CBX5: variants seen among roughly 807,000 people sequenced by gnomAD.
CBX5 encodes the protein chromobox protein homolog 5.
CBX5 carries 7 observed loss-of-function variants against 20.7 expected under a neutral mutation model. That is an observed-to-expected ratio of 0.34 (90% CI 0.19 to 0.63). The LOEUF is 0.63. Among genes scored for constraint, CBX5 ranks in the 30% least tolerant of loss-of-function variants. The probability of loss-of-function intolerance (pLI) is 0.75; values close to 1 mark genes in which losing one functional copy is unlikely to be tolerated. For missense variants in CBX5, 110 were observed against 224.1 expected (o/e 0.49, Z 3.25); for synonymous variants, 78 against 77.0 (o/e 1.01, Z -0.07).
At position 54,236,869 on chromosome 12, in the gene CBX5, A is replaced by C. The variant is rs1943628576; in HGVS notation, c.*4886T>G. Reference sequence around the variant, plus strand: ...CCTTAGGAAAGCTGGGGTAAACTACAGATTCAACAAAATCTCAATAAGAAA... The same window carrying C: ...CCTTAGGAAAGCTGGGGTAAACTACCGATTCAACAAAATCTCAATAAGAAA... On this transcript the variant is annotated 3_prime_UTR_variant, in exon 5 of 5. Transcript: ENST00000209875. The C allele has an allele frequency of 6.6e-6, 1 of 152,192 alleles. No individual in the cohort carries two copies. The highest frequency in any genetic ancestry group is 1.5e-5 in the Non-Finnish European group (1 of 68,050). The allele number at this position is 152,192 out of a possible 1,614,324, so 9.4% of individuals were successfully genotyped here. A position where few individuals can be genotyped will look rare whatever the true frequency, so the allele number is the denominator to read the frequency against.
intron 1 of CBX5, among the ~76,000 whole-genome samples, chr12:54,261,357 C>T (rs1357310543): frequency 2.0e-5 from 3 of 150,404 alleles, no homozygotes; most frequent in African/African-American, 7.3e-5. Context: ...AGTGCTGTGG[C>T]GCCATCTCGG....
chr12:54,257,194 G>C (rs1470353082), intron 2 of CBX5, among the ~76,000 whole-genome samples: 2 of 152,094 alleles, frequency 1.3e-5, no homozygotes, highest in African/African-American at 2.4e-5. Flanking sequence ...TCACTGAGGA[G>C]ATAAAATGAT....
chr12:54,246,132 T>TA lies in CBX5; in HGVS notation c.407dup (p.Leu136PhefsTer12). Reference sequence around the variant, plus strand: ...TCTCTCACCATTTCATTAGGAACATTAAATCACCACAGGAATCTGTTGCCC... The same window carrying TA: ...TCTCTCACCATTTCATTAGGAACATTAAAATCACCACAGGAATCTGTTGCCC... On this transcript the variant is annotated frameshift_variant, in exon 4 of 5. Coordinates refer to ENST00000209875, the MANE Select transcript of CBX5 (RefSeq NM_012117.3). LOFTEE classifies it high-confidence loss of function. The TA allele has an allele frequency of 6.2e-7, 1 of 1,612,006 alleles. No homozygotes were observed. Among genetic ancestry groups the TA allele is most frequent in the Non-Finnish European group, 8.5e-7 (1 of 1,178,112 alleles).
chr12:54,249,582 T>TA, intron 3 of CBX5, among the ~76,000 whole-genome samples: 1 of 152,170 alleles, frequency 6.6e-6, no homozygotes, highest in South Asian at 2.1e-4. Flanking sequence ...GAAGTAGACT[T>TA]ACGCTTTTAT....
chr12:54,260,307 G>A (rs1210451746), intron 1 of CBX5, among the ~76,000 whole-genome samples: 1 of 151,740 alleles, frequency 6.6e-6, no homozygotes, highest in South Asian at 2.1e-4. Context: ...CCTGACCAAC[G>A]TGGTGAAACC....
intron 1 of CBX5, chr12:54,272,930 T>G (rs1274097012): frequency 6.6e-6 from 1 of 152,174 alleles, no homozygotes; most frequent in Non-Finnish European, 1.5e-5. Context: ...CATTAGATAA[T>G]GGCAGAGGCA....
At chr12:54,279,050 T>A (rs1333011297) in intron 1 of CBX5, 1 of 152,198 alleles carries the variant, frequency 6.6e-6, no homozygotes, top group Non-Finnish European at 1.5e-5. Context: ...CCTTGCAAAG[T>A]TTTAAACATT....
intron 4 of CBX5, among the ~76,000 whole-genome samples, chr12:54,244,277 G>A (rs1489004825): frequency 1.3e-5 from 2 of 151,562 alleles, no homozygotes; most frequent in East Asian, 2.0e-4. Flanking sequence ...CTCCCAAAGT[G>A]CTGGGATTAC....
rs1173617981 is a variant in CBX5 at position 54,234,886 on chromosome 12, CTGT to C, written c.*6866_*6868del. 2.0e-5 allele frequency: 3 copies of C among 152,156 alleles called. No homozygotes were observed. Among genetic ancestry groups the C allele is most frequent in the African/African-American group, 7.2e-5 (3 of 41,446 alleles). 9.4% of individuals were successfully genotyped at this position (152,156 alleles called of 1,614,324 possible). On this transcript the variant is annotated 3_prime_UTR_variant, in exon 5 of 5. Coordinates refer to ENST00000209875, the MANE Select transcript of CBX5 (RefSeq NM_012117.3). ...CAGAATGAAAAGGCAAGAGAACAAG[CTGT>C]CAATGAACAGGAAAAATTCCATCTT...
intron 3 of CBX5, among the ~76,000 whole-genome samples, chr12:54,250,828 A>G (rs1943791298): frequency 1.5e-5 from 2 of 130,272 alleles, no homozygotes; most frequent in African/African-American, 5.8e-5. Context: ...AAAAAAAAAA[A>G]AAAAAAAAAA....
intron 3 of CBX5, 45 bp downstream of exon 3, chr12:54,251,996 G>T: frequency 7.1e-7 from 1 of 1,408,118 alleles, no homozygotes; most frequent in Non-Finnish European, 9.6e-7. Context: ...TTATTATTTT[G>T]GTGGCAAAAG....
In CBX5 at chr12:54,258,584, G is replaced by C. The variant is rs184922844; in HGVS notation, c.-42-892C>G. ...ACCATTCATAGGCCCAAGGAAAGCT[G>C]AAGCAAGGAAACACAAATGGAAATT... On this transcript the variant is annotated intron_variant, in intron 1 of 4. Transcript: ENST00000209875. Among the ~76,000 whole-genome samples the C allele has an allele frequency of 2.2e-4, 34 of 152,290 alleles. 1 individual carries two copies. In the East Asian group the frequency reaches 6.4e-3, roughly 29 times the overall value.
intron 4 of CBX5, among the ~76,000 whole-genome samples, chr12:54,242,599 T>G (rs149898611): frequency 1.1e-4 from 17 of 150,896 alleles, no homozygotes; most frequent in African/African-American, 3.9e-4. Context: ...GGTTGGTCAA[T>G]CCAGTTTCCA....
rs1421972667 is a variant in CBX5, at chr12:54,239,779, C to T, written c.*1976G>A. 1 of 152,234 alleles carries T rather than the reference C, an allele frequency of 6.6e-6. No individual in the cohort carries two copies. The highest frequency in any genetic ancestry group is 1.5e-5 in the Non-Finnish European group (1 of 68,052). The allele number at this position is 152,234 out of a possible 1,614,324, so 9.4% of individuals were successfully genotyped here. A position where few individuals can be genotyped will look rare whatever the true frequency, so the allele number is the denominator to read the frequency against. ...AAACCAAAAGCTTCATTGTTCCAGT[C>T]TGTCATGTCACTGCAGCAACAGCTG... On this transcript the variant is annotated 3_prime_UTR_variant, in exon 5 of 5. Coordinates refer to ENST00000209875, the MANE Select transcript of CBX5 (RefSeq NM_012117.3).
At position 54,240,254 on chromosome 12, in the gene CBX5, A is replaced by C. The variant is rs1319171758; in HGVS notation, c.*1501T>G. 1 of 152,248 alleles carries C rather than the reference A, an allele frequency of 6.6e-6. No individual in the cohort carries two copies. Among genetic ancestry groups the C allele is most frequent in the African/African-American group, 2.4e-5 (1 of 41,466 alleles). 9.4% of individuals were successfully genotyped at this position (152,248 alleles called of 1,614,324 possible). ...GACAAAGGCAGAAGGATATGATCAG[A>C]CAAATTTCTCAATAGCAACACAAGA... On this transcript the variant is annotated 3_prime_UTR_variant, in exon 5 of 5. Transcript: ENST00000209875.
intron 1 of CBX5, 124 bp from the exon 2 acceptor site, chr12:54,257,816 C>G (rs1943877283): frequency 1.5e-6 from 1 of 649,552 alleles, no homozygotes; most frequent in African/African-American, 1.8e-5. Context: ...AGTCTCAAAT[C>G]ATTCTACAGA....
intron 2 of CBX5, among the ~76,000 whole-genome samples, chr12:54,254,314 A>C (rs565952658): frequency 7.0e-6 from 1 of 143,606 alleles, no homozygotes; most frequent in Non-Finnish European, 1.5e-5. Flanking sequence ...CTGGGCAACA[A>C]GAGTGAAACT....
rs772409040 is a variant in CBX5 at position 54,257,471 on chromosome 12, A to G, written c.137+43T>C. 3.1e-6 allele frequency: 5 copies of G among 1,605,100 alleles called. No individual in the cohort carries two copies. In the South Asian group the frequency reaches 3.3e-5, roughly 11 times the overall value. Reference sequence around the variant, plus strand: ...CTAAGGAAGTAAACCAAAGGTATCTATCTCTACAGAGTCCCAACGCCTGGG... The same window carrying G: ...CTAAGGAAGTAAACCAAAGGTATCTGTCTCTACAGAGTCCCAACGCCTGGG... On this transcript the variant is annotated intron_variant, in intron 2 of 4. Coordinates refer to ENST00000209875, the MANE Select transcript of CBX5 (RefSeq NM_012117.3).
intron 1 of CBX5, chr12:54,276,576 T>C (rs572311713): frequency 1.3e-5 from 2 of 152,286 alleles, no homozygotes; most frequent in Non-Finnish European, 2.9e-5. Flanking sequence ...TCTGTACAAG[T>C]GGCTGGGGCT....
Sources: gnomAD v4.1 joint callset for allele counts (sites outside exome capture counted in the v4.1 genomes callset) on GRCh38, gnomAD v4.1.1 for gene constraint, MANE v1.5 for transcripts, NCBI Gene and HGNC (gene_info 2026-07-23, HGNC 2026-07-21) for gene names.